The following NXPH1 variants were observed in gnomAD, a reference collection of about 807,000 sequenced individuals.
NXPH1 encodes the protein neurexophilin-1.
A neutral mutation model predicts 23.7 loss-of-function variants in NXPH1; 5 were observed. That is an observed-to-expected ratio of 0.21 (90% CI 0.11 to 0.44). The LOEUF (loss-of-function observed/expected upper bound fraction) is 0.44, where lower values mean the gene tolerates loss of function less well. Among genes scored for constraint, NXPH1 ranks in the 20% least tolerant of loss-of-function variants. The pLI, the probability that NXPH1 is intolerant of heterozygous loss-of-function variation, is 0.99. For synonymous variants in NXPH1, 144 were observed against 122.2 expected (o/e 1.18, Z -1.18); for missense variants, 324 against 321.6 (o/e 1.01, Z -0.06).
At chr7:8,536,490 T>G (rs1419189874) in intron 2 of NXPH1, among the ~76,000 whole-genome samples, 1 of 152,022 alleles carries the variant, frequency 6.6e-6, no homozygotes, top group Non-Finnish European at 1.5e-5. Context: ...TGCTAGTAGT[T>G]TGCCTAGTTA....
At chr7:8,722,210 C>T (rs1779980810) in intron 2 of NXPH1, among the ~76,000 whole-genome samples, 2 of 152,040 alleles carry the variant, frequency 1.3e-5, no homozygotes, top group South Asian at 4.2e-4. Context: ...TTAACAAAAG[C>T]TTGCTGATGG....
intron 2 of NXPH1, among the ~76,000 whole-genome samples, chr7:8,705,463 C>T (rs997132971): frequency 2.2e-4 from 33 of 152,136 alleles, no homozygotes; most frequent in African/African-American, 6.8e-4. Flanking sequence ...CCTAGAGAAA[C>T]TGCAGATTAG....
intron 2 of NXPH1, among the ~76,000 whole-genome samples, chr7:8,542,360 G>A (rs1818131682): frequency 1.3e-5 from 2 of 151,494 alleles, no homozygotes; most frequent in Non-Finnish European, 1.5e-5. Context: ...AACTTTTATA[G>A]CAGTGAGAGA....
intron 2 of NXPH1, among the ~76,000 whole-genome samples, chr7:8,508,649 T>C (rs1207734680): frequency 6.6e-6 from 1 of 152,026 alleles, no homozygotes; most frequent in African/African-American, 2.4e-5. Flanking sequence ...GCATCTTTTT[T>C]TTTATGTCTT....
At chr7:8,497,736 T>G (rs1195557842) in intron 2 of NXPH1, among the ~76,000 whole-genome samples, 2 of 152,190 alleles carry the variant, frequency 1.3e-5, no homozygotes, top group African/African-American at 4.8e-5. Context: ...TAAATTTGTT[T>G]AAGTTCTTTG....
intron 2 of NXPH1, among the ~76,000 whole-genome samples, chr7:8,607,110 T>A (rs1386672834): frequency 1.3e-5 from 2 of 152,114 alleles, no homozygotes; most frequent in Non-Finnish European, 2.9e-5. Flanking sequence ...ACCAATACAG[T>A]TTAAATTATA....
chr7:8,735,936 G>A (rs1780246607), intron 2 of NXPH1, among the ~76,000 whole-genome samples: 1 of 151,962 alleles, frequency 6.6e-6, no homozygotes, highest in Non-Finnish European at 1.5e-5. Flanking sequence ...GTTGTTTATA[G>A]TATTCTCTAA....
intron 2 of NXPH1, among the ~76,000 whole-genome samples, chr7:8,548,618 G>A (rs1440626965): frequency 6.6e-6 from 1 of 151,476 alleles, no homozygotes; most frequent in Non-Finnish European, 1.5e-5. Context: ...GGACTTAAAT[G>A]CCAGTTTACT....
At chr7:8,647,900 A>T (rs543783115) in intron 2 of NXPH1, among the ~76,000 whole-genome samples, 95 of 152,176 alleles carry the variant, frequency 6.2e-4, no homozygotes, top group African/African-American at 2.1e-3. Flanking sequence ...GTGTTTAAAA[A>T]TTTGAAATAT....
At chr7:8,631,426 G>T (rs1820126265) in intron 2 of NXPH1, among the ~76,000 whole-genome samples, 1 of 152,114 alleles carries the variant, frequency 6.6e-6, no homozygotes, top group Non-Finnish European at 1.5e-5. Flanking sequence ...ATTGACAAAT[G>T]GAATCTAATT....
intron 2 of NXPH1, among the ~76,000 whole-genome samples, chr7:8,559,688 C>A (rs1425170769): frequency 6.6e-6 from 1 of 151,600 alleles, no homozygotes; most frequent in African/African-American, 2.4e-5. Flanking sequence ...CTTAGCAGGG[C>A]CAAGTGTAGA....
chr7:8,590,742 T>C (rs529780514), intron 2 of NXPH1, among the ~76,000 whole-genome samples: 24 of 152,236 alleles, frequency 1.6e-4, no homozygotes, highest in African/African-American at 4.3e-4. Context: ...TTTACAGTAA[T>C]TGACTCCAAT....
chr7:8,447,398 G>A (rs2128604930), intron 2 of NXPH1, among the ~76,000 whole-genome samples: 1 of 152,346 alleles, frequency 6.6e-6, no homozygotes, highest in South Asian at 2.1e-4. Flanking sequence ...CTCTGGTCTT[G>A]ATGTGGAACT....
At chr7:8,501,650 G>C (rs1173985577) in intron 2 of NXPH1, among the ~76,000 whole-genome samples, 1 of 152,070 alleles carries the variant, frequency 6.6e-6, no homozygotes, top group Non-Finnish European at 1.5e-5. Flanking sequence ...AATTAAGACT[G>C]GGAATGGTGT....
chr7:8,549,933 G>T (rs1818252789), intron 2 of NXPH1, among the ~76,000 whole-genome samples: 1 of 151,436 alleles, frequency 6.6e-6, no homozygotes. Flanking sequence ...GTTTCCTTAG[G>T]CAGAGAGACA....
At chr7:8,542,453 A>G (rs1282373564) in intron 2 of NXPH1, among the ~76,000 whole-genome samples, 1 of 151,602 alleles carries the variant, frequency 6.6e-6, no homozygotes, top group Admixed American at 6.6e-5. Flanking sequence ...GAATATTTGA[A>G]CAACACAACC....
chr7:8,584,234 G>A (rs1038917823), intron 2 of NXPH1, among the ~76,000 whole-genome samples: 1 of 152,098 alleles, frequency 6.6e-6, no homozygotes. Flanking sequence ...GCCCTAGATA[G>A]TCAGACTGTA....
intron 2 of NXPH1, among the ~76,000 whole-genome samples, chr7:8,670,069 T>C (rs1221845622): frequency 6.6e-6 from 1 of 152,232 alleles, no homozygotes; most frequent in Non-Finnish European, 1.5e-5. Context: ...ATTGCTCTCT[T>C]GAAGATTATC....
chr7:8,697,619 A>T (rs1452200223), intron 2 of NXPH1, among the ~76,000 whole-genome samples: 1 of 152,200 alleles, frequency 6.6e-6, no homozygotes, highest in East Asian at 1.9e-4. Context: ...GATAATTAGT[A>T]TATACATTTC....
Sources: gnomAD v4.1 joint callset for allele counts (sites outside exome capture counted in the v4.1 genomes callset) on GRCh38, gnomAD v4.1.1 for gene constraint, MANE v1.5 for transcripts, NCBI Gene and HGNC (gene_info 2026-07-23, HGNC 2026-07-21) for gene names.